Variants in TRIM23 observed in about 807,000 individuals in gnomAD.
TRIM23 encodes E3 ubiquitin-protein ligase TRIM23.
A neutral mutation model predicts 71.0 loss-of-function variants in TRIM23; 27 were observed. That is an observed-to-expected ratio of 0.38 (90% CI 0.28 to 0.52). The LOEUF (loss-of-function observed/expected upper bound fraction) is 0.52, where lower values mean the gene tolerates loss of function less well. TRIM23 is among the 20% of genes least tolerant of loss of function. The pLI is 0.84. For synonymous variants in TRIM23, 234 were observed against 238.0 expected (o/e 0.98, Z 0.16); for missense variants, 482 against 692.3 (o/e 0.70, Z 3.41).
intron 5 of TRIM23, 32 bp from the exon 6 acceptor site, chr5:65,609,490 G>C (rs1303902043): frequency 6.3e-7 from 1 of 1,582,532 alleles, no homozygotes; most frequent in African/African-American, 1.4e-5. Flanking sequence ...TTAAGCAACT[G>C]TAATGTTAAT....
In TRIM23 at chr5:65,624,215, G is replaced by A. The variant is rs770407141; in HGVS notation, c.60C>T (p.Ser20=). ...TCACCTTCACTACAGCTGTCCCCCG[G>A]CTGCCCTGCCGGCCACTGTCTACTC... ...GAGVDSGRQG[S]RGTAVVKVLE... Residue 20 remains serine, a synonymous_variant, in exon 1 of 11, where the codon AGC becomes AGT. Transcript: ENST00000231524. 8 of 1,614,072 alleles carry A rather than the reference G, an allele frequency of 5.0e-6. No homozygotes were observed. The African/African-American group carries it at 6.7e-5, about 13-fold the overall frequency.
rs772713581 is a variant in TRIM23 at position 65,618,131 on chromosome 5, G to A, written c.206C>T (p.Ala69Val). The change falls in exon 2 of 11, where the codon GCA becomes GTA. Residue 69 changes from alanine to valine, a missense_variant. This residue lies in a region of TRIM23 where 175 missense variants were observed against 196.5 expected (regional missense o/e 0.89). Transcript: ENST00000231524. ...TTGTCGATCAAATGGGCAACGGATT[G>A]CTCTTCCATGAAGAGGTAGGCGAGT... The part of the protein sequence containing the change: ...CLTRLPLHGR[A>V]IRCPFDRQVT... 3 of 1,613,620 alleles carry A rather than the reference G, an allele frequency of 1.9e-6. No individual in the cohort carries two copies. The highest frequency in any genetic ancestry group is 1.3e-5 in the African/African-American group (1 of 74,892).
intron 7 of TRIM23, among the ~76,000 whole-genome samples, chr5:65,600,866 C>T (rs1337308288): frequency 6.6e-6 from 1 of 152,084 alleles, no homozygotes; most frequent in Non-Finnish European, 1.5e-5. Flanking sequence ...AGGCAATATA[C>T]AGATGGCCAA....
At position 65,624,099 on chromosome 5, in the gene TRIM23, C is replaced by A. The variant is rs1755039732; in HGVS notation, c.81+95G>T. ...AGGGGCCCAGAGGCCGCGCATCCCA[C>A]CTATCGAAGCCTGGGCCGCGGCGAT... On this transcript the variant is annotated intron_variant, in intron 1 of 10. Coordinates refer to ENST00000231524, the MANE Select transcript of TRIM23 (RefSeq NM_001656.4). 5 of 1,472,462 alleles carry A rather than the reference C, an allele frequency of 3.4e-6. No homozygotes were observed. The South Asian group carries it at 5.8e-5, about 17-fold the overall frequency. The allele number at this position is 1,472,462 out of a possible 1,614,324, so 91.2% of individuals were successfully genotyped here.
rs750592241 is a variant in TRIM23, at chr5:65,609,392, G to C, written c.895C>G (p.Leu299Val). 1 of 1,614,090 alleles carries C rather than the reference G, an allele frequency of 6.2e-7. No homozygotes were observed. The highest frequency in any genetic ancestry group is 8.5e-7 in the Non-Finnish European group (1 of 1,180,008). ...RAYFYDLHET[L>V]CRQEEMALSV... ...AGAGCCATTTCTTCTTGACGACACA[G>C]AGTTTCATGTAGATCATAAAAATAA... The change falls in exon 6 of 11, where the codon CTG becomes GTG. Residue 299 changes from leucine (L) to valine (V), a missense_variant. Coordinates refer to ENST00000231524, the MANE Select transcript of TRIM23 (RefSeq NM_001656.4).
chr5:65,613,911 A>T, intron 3 of TRIM23, 187 bp downstream of exon 3: 13 of 1,494,434 alleles, frequency 8.7e-6, no homozygotes, highest in Non-Finnish European at 1.2e-5. Context: ...TAGGCATAGG[A>T]TTTTCAAATA....
chr5:65,612,486 T>C (rs1278416235), intron 3 of TRIM23, among the ~76,000 whole-genome samples: 1 of 152,072 alleles, frequency 6.6e-6, no homozygotes, highest in Non-Finnish European at 1.5e-5. Flanking sequence ...GTGAGTCTAT[T>C]GCACAATCAC....
chr5:65,593,253 G>A (rs1341934951), intron 10 of TRIM23, among the ~76,000 whole-genome samples: 1 of 152,066 alleles, frequency 6.6e-6, no homozygotes, highest in Non-Finnish European at 1.5e-5. Flanking sequence ...TGACCAACAC[G>A]ATGAAACCCT....
intron 1 of TRIM23, among the ~76,000 whole-genome samples, chr5:65,623,933 C>G (rs1325617194): frequency 6.6e-6 from 1 of 152,180 alleles, no homozygotes; most frequent in African/African-American, 2.4e-5. Flanking sequence ...GAGAAAAGAC[C>G]GGTCTAGGTC....
At chr5:65,614,869 T>TATA (rs1475203477) in intron 2 of TRIM23, among the ~76,000 whole-genome samples, 1 of 152,234 alleles carries the variant, frequency 6.6e-6, no homozygotes, top group Admixed American at 6.5e-5. Context: ...TACATATATT[T>TATA]TGCCACAGTT....
intron 2 of TRIM23, among the ~76,000 whole-genome samples, chr5:65,617,335 T>C (rs531781588): frequency 3.0e-4 from 46 of 152,326 alleles, no homozygotes; most frequent in African/African-American, 1.0e-3. Flanking sequence ...ATAAATTATT[T>C]TGAATGTGTT....
chr5:65,590,146 TTTC>T lies in TRIM23; in HGVS notation c.*1620_*1622del, dbSNP rs2150616155. 3.7e-6 allele frequency: 2 copies of T among 537,004 alleles called. No individual in the cohort carries two copies. The highest frequency in any genetic ancestry group is 2.0e-5 in the African/African-American group (1 of 50,996). The allele number at this position is 537,004 out of a possible 1,614,324, so 33.3% of individuals were successfully genotyped here. A position where few individuals can be genotyped will look rare whatever the true frequency, so the allele number is the denominator to read the frequency against. On this transcript the variant is annotated 3_prime_UTR_variant, in exon 11 of 11. Transcript: ENST00000231524. ...GCAAGTTCACCTTAGTGTTACACTT[TTTC>T]TTCAATTAACTAGTAAACAGTTCAA...
chr5:65,604,883 T>A, intron 7 of TRIM23, 28 bp downstream of exon 7: 1 of 1,542,522 alleles, frequency 6.5e-7, no homozygotes, highest in Non-Finnish European at 8.7e-7. Context: ...TCAGAAAAAA[T>A]ACCTAAAAAT....
chr5:65,591,911 T>G lies in TRIM23; in HGVS notation c.1583A>C (p.Glu528Ala). The G allele has an allele frequency of 6.2e-7, 1 of 1,613,790 alleles. No individual in the cohort carries two copies. The highest frequency in any genetic ancestry group is 8.5e-7 in the Non-Finnish European group (1 of 1,179,836). The stretch of plus-strand genomic sequence containing the variant: ...GCATAATTTATGGAGACTGAGTAGT[T>G]CAGTGATTTCTTCTACTGACAGTGC... ...AGALSVEEITELLSLHKLCCG... is the reference protein window; with the variant it reads ...AGALSVEEITALLSLHKLCCG... Residue 528 changes from glutamate to alanine, a missense_variant, in exon 11 of 11, where the codon GAA (glutamate) becomes GCA (alanine). Physicochemically the swap from Glu to Ala is moderately radical, Grantham distance 107. Transcript: ENST00000231524.
intron 7 of TRIM23, among the ~76,000 whole-genome samples, chr5:65,600,404 C>A (rs1286143489): frequency 6.6e-6 from 1 of 151,960 alleles, no homozygotes; most frequent in Non-Finnish European, 1.5e-5. Flanking sequence ...GGTGCAGGAC[C>A]ACTCAATGAA....
chr5:65,596,127 T>C (rs563179880), intron 9 of TRIM23, among the ~76,000 whole-genome samples: 3 of 152,314 alleles, frequency 2.0e-5, no homozygotes, highest in South Asian at 2.1e-4. Flanking sequence ...GTCACACCCA[T>C]ATAATACTGG....
At position 65,613,303 on chromosome 5, in the gene TRIM23, C is replaced by T. The variant is rs187231521; in HGVS notation, c.366+795G>A. ...ATAACTTTTAGAAAACAGAGTGTTGCAGTTTGAAATTCATTTCACTGATTC... is the reference window on the plus strand; with the variant it reads ...ATAACTTTTAGAAAACAGAGTGTTGTAGTTTGAAATTCATTTCACTGATTC... On this transcript the variant is annotated intron_variant, in intron 3 of 10. Coordinates refer to ENST00000231524, the MANE Select transcript of TRIM23 (RefSeq NM_001656.4). Among the ~76,000 whole-genome samples the T allele has an allele frequency of 2.4e-4, 36 of 152,196 alleles. No individual in the cohort carries two copies. In the East Asian group the frequency reaches 6.8e-3, roughly 29 times the overall value.
intron 10 of TRIM23, among the ~76,000 whole-genome samples, chr5:65,592,654 A>G (rs1754076213): frequency 1.3e-5 from 2 of 152,180 alleles, no homozygotes; most frequent in African/African-American, 4.8e-5. Context: ...CATTGCCCCA[A>G]CTTCCCAGGA....
chr5:65,590,886 T>C lies in TRIM23; in HGVS notation c.*883A>G. On this transcript the variant is annotated 3_prime_UTR_variant, in exon 11 of 11. Transcript: ENST00000231524. Reference sequence around the variant, plus strand: ...ACTAGCTTTTAAATAAAGCCAACCCTGGTTCTGCGTTACTTACTACATTTT... The same window carrying C: ...ACTAGCTTTTAAATAAAGCCAACCCCGGTTCTGCGTTACTTACTACATTTT... 1 of 985,494 alleles carries C rather than the reference T, an allele frequency of 1.0e-6. No individual in the cohort carries two copies. Among genetic ancestry groups the C allele is most frequent in the Non-Finnish European group, 1.2e-6 (1 of 830,000 alleles). The allele number at this position is 985,494 out of a possible 1,614,324, so 61.0% of individuals were successfully genotyped here.
Sources: allele counts gnomAD v4.1 joint callset (sites outside exome capture counted in the v4.1 genomes callset), GRCh38; gene constraint gnomAD v4.1.1; regional missense constraint gnomAD v4.1.1; transcripts MANE v1.5; gene names NCBI Gene and HGNC (gene_info 2026-07-23, HGNC 2026-07-21).